The following CPLX4 variants were observed in gnomAD, a reference collection of about 807,000 sequenced individuals.
CPLX4 encodes the protein complexin 4, also known as complexin-4.
In CPLX4, 17 loss-of-function variants were observed where a neutral mutation model predicts 16.1. That is an observed-to-expected ratio of 1.06 (90% CI 0.72 to 1.59). CPLX4 has a LOEUF of 1.59. Ranked by LOEUF, CPLX4 falls within the 40% of genes most tolerant of loss-of-function variation. The probability of loss-of-function intolerance (pLI) is 0.00; values close to 1 mark genes in which losing one functional copy is unlikely to be tolerated. For synonymous variants in CPLX4, 55 were observed against 57.8 expected, an observed-to-expected ratio of 0.95 and a Z score of 0.22; for missense variants, 193 against 192.9, an observed-to-expected ratio of 1.00 and a Z score of 0.00.
At chr18:59,308,671 G>T (rs1479015156) in intron 2 of CPLX4, among the ~76,000 whole-genome samples, 1 of 152,080 alleles carries the variant, frequency 6.6e-6, no homozygotes, top group Non-Finnish European at 1.5e-5. Context: ...ACACCAGGGG[G>T]CGCCGGCGTC....
intron 2 of CPLX4, among the ~76,000 whole-genome samples, chr18:59,303,644 G>T (rs548441116): frequency 5.9e-5 from 9 of 152,268 alleles, no homozygotes; most frequent in African/African-American, 2.2e-4. Context: ...CTCTGAGCAG[G>T]CGTTCTCATC....
chr18:59,302,082 A>T (rs1319570469), intron 2 of CPLX4, among the ~76,000 whole-genome samples: 1 of 152,186 alleles, frequency 6.6e-6, no homozygotes, highest in Non-Finnish European at 1.5e-5. Context: ...TAAGAGAAAG[A>T]TCCGGGACAC....
At chr18:59,307,011 C>T (rs2070581135) in intron 2 of CPLX4, among the ~76,000 whole-genome samples, 1 of 152,170 alleles carries the variant, frequency 6.6e-6, no homozygotes, top group African/African-American at 2.4e-5. Flanking sequence ...TATTAGGAAC[C>T]CACTAGAGTC....
chr18:59,312,626 C>A (rs2070625406), intron 2 of CPLX4, 59 bp downstream of exon 2: 5 of 774,192 alleles, frequency 6.5e-6, no homozygotes, highest in Non-Finnish European at 1.1e-5. Context: ...GGATAATCAA[C>A]CATGACTTCC....
chr18:59,296,820 C>T lies in CPLX4; in HGVS notation c.361G>A (p.Asp121Asn). 6.2e-7 allele frequency: 1 copy of T among 1,613,850 alleles called. No individual in the cohort carries two copies. Among genetic ancestry groups the T allele is most frequent in the South Asian group, 1.1e-5 (1 of 90,964 alleles). ...DEDQEEEEDK[D>N]SILGQIQNLQ... ...TTCTGTATCTGCCCAAGAATAGAAT[C>T]TTTATCTTCTTCCTCTTCTTGATCT... Residue 121 changes from aspartate (D) to asparagine (N), a missense_variant, in exon 3 of 3, where the codon GAT becomes AAT. Transcript: ENST00000299721.
chr18:59,304,003 G>C (rs922347113), intron 2 of CPLX4, among the ~76,000 whole-genome samples: 1 of 152,188 alleles, frequency 6.6e-6, no homozygotes, highest in Non-Finnish European at 1.5e-5. Flanking sequence ...TAATCTGAAG[G>C]GGTCTGGCAA....
In CPLX4 at chr18:59,296,817, A is replaced by C. The variant is rs773866910; in HGVS notation, c.364T>G (p.Ser122Ala). 1 of 1,613,816 alleles carries C rather than the reference A, an allele frequency of 6.2e-7. No homozygotes were observed. The highest frequency in any genetic ancestry group is 2.2e-5 in the East Asian group (1 of 44,868). ...EDQEEEEDKD[S>A]ILGQIQNLQN... Reference sequence around the variant, plus strand: ...AGATTCTGTATCTGCCCAAGAATAGAATCTTTATCTTCTTCCTCTTCTTGA... The same window carrying C: ...AGATTCTGTATCTGCCCAAGAATAGCATCTTTATCTTCTTCCTCTTCTTGA... Residue 122 changes from serine to alanine, a missense_variant, in exon 3 of 3, where the codon TCT (serine) becomes GCT (alanine). Transcript: ENST00000299721.
chr18:59,299,583 C>T (rs963152636), intron 2 of CPLX4, among the ~76,000 whole-genome samples: 1 of 152,158 alleles, frequency 6.6e-6, no homozygotes, highest in African/African-American at 2.4e-5. Context: ...GCGAGGCCAC[C>T]ATCTATGGCT....
chr18:59,304,406 TGAA>T (rs1231742548), intron 2 of CPLX4, among the ~76,000 whole-genome samples: 2 of 152,214 alleles, frequency 1.3e-5, no homozygotes, highest in Non-Finnish European at 2.9e-5. Flanking sequence ...TTCCTCTACT[TGAA>T]GAAATATGGT....
intron 2 of CPLX4, among the ~76,000 whole-genome samples, chr18:59,303,288 A>C (rs2070554364): frequency 6.6e-6 from 1 of 152,114 alleles, no homozygotes; most frequent in Non-Finnish European, 1.5e-5. Flanking sequence ...ATCAGTTTTC[A>C]GTTTGATTGA....
Position 59,302,669 on chromosome 18 carries a change from T to A in CPLX4, c.256-5744A>T, listed in dbSNP as rs1272593508. The stretch of plus-strand genomic sequence containing the variant: ...ACCCCATTATTTAAATAGCTCCATA[T>A]CCTACCATTGTCATTTCCTGTGACT... On this transcript the variant is annotated intron_variant, in intron 2 of 2. Coordinates refer to ENST00000299721, the MANE Select transcript of CPLX4 (RefSeq NM_181654.4). 3.9e-5 allele frequency among the ~76,000 whole-genome samples: 6 copies of A among 152,216 alleles called. No homozygotes were observed. In the South Asian group the frequency reaches 8.3e-4, roughly 21 times the overall value.
chr18:59,315,482 T>C (rs1238092089), intron 1 of CPLX4, among the ~76,000 whole-genome samples: 1 of 152,214 alleles, frequency 6.6e-6, no homozygotes, highest in Non-Finnish European at 1.5e-5. Context: ...GGCTTGCCCA[T>C]TTATTTTCTA....
At chr18:59,296,971 A>G (rs761199920) in intron 2 of CPLX4, 46 bp from the exon 3 acceptor site, 1 of 1,567,454 alleles carries the variant, frequency 6.4e-7, no homozygotes, top group Non-Finnish European at 8.6e-7. Flanking sequence ...CTAAACTACT[A>G]ACTCACTAAC....
chr18:59,317,462 A>G (rs2070658385), intron 1 of CPLX4, among the ~76,000 whole-genome samples: 1 of 152,140 alleles, frequency 6.6e-6, no homozygotes, highest in African/African-American at 2.4e-5. Flanking sequence ...TGATATTCAC[A>G]TTCTATAATA....
intron 2 of CPLX4, among the ~76,000 whole-genome samples, chr18:59,305,150 G>C (rs1481185496): frequency 6.6e-6 from 1 of 152,124 alleles, no homozygotes; most frequent in African/African-American, 2.4e-5. Context: ...TAGGTAGAGG[G>C]AGGGAGATCA....
At chr18:59,304,604 A>T (rs1568105225) in intron 2 of CPLX4, among the ~76,000 whole-genome samples, 1 of 151,882 alleles carries the variant, frequency 6.6e-6, no homozygotes, top group Non-Finnish European at 1.5e-5. Flanking sequence ...ATGGAGTCTC[A>T]CTCTGCTGCC....
intron 1 of CPLX4, among the ~76,000 whole-genome samples, chr18:59,313,450 G>C (rs542906077): frequency 2.0e-5 from 3 of 152,184 alleles, no homozygotes; most frequent in Non-Finnish European, 4.4e-5. Context: ...TCATGATGTT[G>C]CTGGTTTGAA....
intron 1 of CPLX4, among the ~76,000 whole-genome samples, chr18:59,315,808 C>T (rs925152562): frequency 1.3e-5 from 2 of 152,140 alleles, no homozygotes; most frequent in African/African-American, 4.8e-5. Context: ...TATTTTGGCG[C>T]TTTTGTTGAA....
chr18:59,306,917 T>G (rs2070580380), intron 2 of CPLX4, among the ~76,000 whole-genome samples: 1 of 152,212 alleles, frequency 6.6e-6, no homozygotes, highest in Non-Finnish European at 1.5e-5. Flanking sequence ...CTGTTAATAC[T>G]ATTACTATGA....
Sources: gnomAD v4.1 joint callset for allele counts (sites outside exome capture counted in the v4.1 genomes callset) on GRCh38, gnomAD v4.1.1 for gene constraint, MANE v1.5 for transcripts, NCBI Gene and HGNC (gene_info 2026-07-23, HGNC 2026-07-21) for gene names.